KCNB2: variants seen among roughly 807,000 people sequenced by gnomAD.
KCNB2 encodes potassium voltage-gated channel subfamily B member 2, also known as delayed rectifier potassium channel protein.
KCNB2 carries 15 observed loss-of-function variants against 61.5 expected under a neutral mutation model. The observed-to-expected ratio is 0.24, with a 90% CI of 0.16 to 0.38. The LOEUF is 0.38. KCNB2 is among the 10% of genes least tolerant of loss of function. The probability of loss-of-function intolerance (pLI) is 1.00; values close to 1 mark genes in which losing one functional copy is unlikely to be tolerated. For missense variants in KCNB2, 828 were observed against 1,125.2 expected (o/e 0.74, Z 3.78); for synonymous variants, 457 against 446.0 (o/e 1.02, Z -0.31).
At chr8:72,762,868 A>C (rs1010540019) in intron 2 of KCNB2, among the ~76,000 whole-genome samples, 1 of 128,400 alleles carries the variant, frequency 7.8e-6, no homozygotes, top group South Asian at 2.6e-4. Flanking sequence ...AGCAAAAAGT[A>C]AATCATATTA....
chr8:72,846,884 T>C (rs1810004268), intron 2 of KCNB2, among the ~76,000 whole-genome samples: 1 of 152,102 alleles, frequency 6.6e-6, no homozygotes, highest in African/African-American at 2.4e-5. Context: ...GAAATACCAT[T>C]TGACCCAGCC....
intron 1 of KCNB2, among the ~76,000 whole-genome samples, chr8:72,561,676 T>G (rs1806513972): frequency 7.9e-6 from 1 of 127,216 alleles, no homozygotes; most frequent in Admixed American, 8.5e-5. Context: ...GCTGAAAATT[T>G]CCAGGATCTT....
intron 2 of KCNB2, among the ~76,000 whole-genome samples, chr8:72,920,455 ATCTATC>A (rs1806492406): frequency 6.0e-5 from 4 of 66,358 alleles, no homozygotes; most frequent in Non-Finnish European, 9.2e-5. Flanking sequence ...CTATCTATCT[ATCTATC>A]TATCTATCTA....
At chr8:72,576,006 C>T (rs986650858) in intron 2 of KCNB2, among the ~76,000 whole-genome samples, 3 of 152,112 alleles carry the variant, frequency 2.0e-5, no homozygotes, top group African/African-American at 7.2e-5. Flanking sequence ...TCTGTTTACC[C>T]ATTTGAATTG....
intron 2 of KCNB2, among the ~76,000 whole-genome samples, chr8:72,912,489 C>CATATATATATATAT (rs5892374): frequency 3.6e-5 from 5 of 137,334 alleles, no homozygotes; most frequent in Admixed American, 7.4e-5. Flanking sequence ...AGCTTTTATT[C>CATATATATATATAT]ATATATATAT....
chr8:72,687,378 A>G (rs1369218278), intron 2 of KCNB2, among the ~76,000 whole-genome samples: 1 of 152,074 alleles, frequency 6.6e-6, no homozygotes, highest in Non-Finnish European at 1.5e-5. Context: ...GCTAAAATGT[A>G]ATTTTATTTT....
intron 2 of KCNB2, among the ~76,000 whole-genome samples, chr8:72,670,135 C>T (rs16938292): frequency 0.028 from 4,264 of 152,204 alleles, 76 homozygotes; most frequent in South Asian, 0.073. Context: ...TTCCTTGTGT[C>T]GATAATCTGG....
rs575044081 is a variant in KCNB2 at position 72,784,787 on chromosome 8, A to C, written c.580-151148A>C. Among the ~76,000 whole-genome samples the C allele has an allele frequency of 2.0e-5, 3 of 152,336 alleles. No homozygotes were observed. The South Asian group carries it at 6.2e-4, about 32-fold the overall frequency. On this transcript the variant is annotated intron_variant, in intron 2 of 2. Transcript: ENST00000523207. ...TTGGGTGGGGACACAGCCAAACCAT[A>C]TCACTGGGCTCTTCCAGGAGACAGG...
At chr8:72,935,235 C>T (rs564361277) in intron 2 of KCNB2, among the ~76,000 whole-genome samples, 1 of 152,272 alleles carries the variant, frequency 6.6e-6, no homozygotes, top group East Asian at 1.9e-4. Flanking sequence ...TGACATCATG[C>T]CACCTGGAAT....
chr8:72,844,242 CT>C lies in KCNB2; in HGVS notation c.580-91690del, dbSNP rs540622186. The stretch of plus-strand genomic sequence containing the variant: ...GAAATTCTGGGTTGAAAATTCTTTT[CT>C]TTAAGGATGTTGAATATTGGCCCCC... On this transcript the variant is annotated intron_variant, in intron 2 of 2. Coordinates refer to ENST00000523207, the MANE Select transcript of KCNB2 (RefSeq NM_004770.3). 4.1e-3 allele frequency among the ~76,000 whole-genome samples: 622 copies of C among 152,256 alleles called. 4 individuals are homozygous for C. Among genetic ancestry groups the C allele is most frequent in the Non-Finnish European group, 5.2e-3 (355 of 68,024 alleles).
chr8:72,873,955 T>C (rs554319699), intron 2 of KCNB2, among the ~76,000 whole-genome samples: 5 of 152,344 alleles, frequency 3.3e-5, no homozygotes, highest in African/African-American at 1.2e-4. Context: ...CTGAAACTCA[T>C]TTTCTGATAG....
At chr8:72,566,628 G>T (rs1806628902) in intron 1 of KCNB2, among the ~76,000 whole-genome samples, 1 of 151,536 alleles carries the variant, frequency 6.6e-6, no homozygotes, top group Non-Finnish European at 1.5e-5. Flanking sequence ...GATCACTTGA[G>T]CCCAGGAGGC....
intron 2 of KCNB2, among the ~76,000 whole-genome samples, chr8:72,798,393 C>G (rs1328125797): frequency 6.6e-6 from 1 of 152,142 alleles, no homozygotes; most frequent in African/African-American, 2.4e-5. Flanking sequence ...AAGGCAGGCT[C>G]TGTGTATATT....
intron 2 of KCNB2, among the ~76,000 whole-genome samples, chr8:72,598,926 C>G (rs1169310096): frequency 1.3e-5 from 2 of 152,084 alleles, no homozygotes; most frequent in African/African-American, 2.4e-5. Flanking sequence ...AACTGCAAAC[C>G]ACAACTCAAT....
chr8:72,552,163 G>C (rs1175349428), intron 1 of KCNB2, among the ~76,000 whole-genome samples: 1 of 152,212 alleles, frequency 6.6e-6, no homozygotes, highest in African/African-American at 2.4e-5. Context: ...TGCTGAGAAT[G>C]GGAGTAGAGG....
chr8:72,854,099 T>G (rs976902533), intron 2 of KCNB2, among the ~76,000 whole-genome samples: 19 of 152,240 alleles, frequency 1.2e-4, no homozygotes, highest in African/African-American at 4.6e-4. Flanking sequence ...ATTTACTTAT[T>G]TATGGGATAT....
At chr8:72,819,678 C>T (rs752575619) in intron 2 of KCNB2, among the ~76,000 whole-genome samples, 9 of 152,118 alleles carry the variant, frequency 5.9e-5, no homozygotes, top group Non-Finnish European at 1.3e-4. Context: ...AGTAAGCCCT[C>T]AATAAATACT....
At chr8:72,828,060 G>C (rs1809627856) in intron 2 of KCNB2, among the ~76,000 whole-genome samples, 1 of 152,114 alleles carries the variant, frequency 6.6e-6, no homozygotes, top group Admixed American at 6.5e-5. Flanking sequence ...TGATCCACTT[G>C]CCTCAGCCTC....
At chr8:72,906,273 T>C (rs1806174857) in intron 2 of KCNB2, among the ~76,000 whole-genome samples, 2 of 152,204 alleles carry the variant, frequency 1.3e-5, no homozygotes, top group Admixed American at 1.3e-4. Context: ...ATGTATAGTT[T>C]CTAATCTAAA....
Sources: allele counts gnomAD v4.1 joint callset (sites outside exome capture counted in the v4.1 genomes callset), GRCh38; gene constraint gnomAD v4.1.1; transcripts MANE v1.5; gene names NCBI Gene and HGNC (gene_info 2026-07-23, HGNC 2026-07-21).